Variants in ADARB2 observed in about 807,000 individuals in gnomAD.
ADARB2 encodes inactive double-stranded RNA-specific editase B2.
In ADARB2, 25 loss-of-function variants were observed where a neutral mutation model predicts 62.2. The observed-to-expected ratio is 0.40, with a 90% CI of 0.29 to 0.56. The LOEUF (loss-of-function observed/expected upper bound fraction) is 0.56. ADARB2 is among the 20% of genes least tolerant of loss of function. The pLI is 0.43. For missense variants in ADARB2, 1,071 were observed against 1,077.4 expected (o/e 0.99, Z 0.08); for synonymous variants, 572 against 500.8 (o/e 1.14, Z -1.90).
chr10:1,548,900 G>C (rs1832567612), intron 1 of ADARB2, among the ~76,000 whole-genome samples: 1 of 152,190 alleles, frequency 6.6e-6, no homozygotes, highest in Non-Finnish European at 1.5e-5. Flanking sequence ...AGAGTGTGAG[G>C]GGCCGAGGCA....
chr10:1,732,031 CAG>C (rs1219678404), intron 1 of ADARB2, among the ~76,000 whole-genome samples: 5 of 152,036 alleles, frequency 3.3e-5, no homozygotes, highest in Non-Finnish European at 5.9e-5. Context: ...TGATGAGAAA[CAG>C]AGTATTACAA....
At chr10:1,425,259 A>T (rs1832884879) in intron 1 of ADARB2, among the ~76,000 whole-genome samples, 1 of 152,176 alleles carries the variant, frequency 6.6e-6, no homozygotes, top group Admixed American at 6.5e-5. Context: ...AAATGCTGTG[A>T]TCTGGTCATG....
At chr10:1,431,077 A>G (rs982457470) in intron 1 of ADARB2, among the ~76,000 whole-genome samples, 2 of 152,238 alleles carry the variant, frequency 1.3e-5, no homozygotes, top group African/African-American at 2.4e-5. Context: ...TCTAATTGAC[A>G]TTTTAGAATA....
chr10:1,518,046 G>T (rs1035060759), intron 1 of ADARB2, among the ~76,000 whole-genome samples: 2 of 152,140 alleles, frequency 1.3e-5, no homozygotes, highest in African/African-American at 2.4e-5. Context: ...GAGGTAAAAA[G>T]AATTTAAGCA....
At chr10:1,491,170 G>A (rs1431090010) in intron 1 of ADARB2, among the ~76,000 whole-genome samples, 1 of 152,144 alleles carries the variant, frequency 6.6e-6, no homozygotes. Flanking sequence ...CCAGGCTTAA[G>A]CAATCCTCCC....
intron 1 of ADARB2, among the ~76,000 whole-genome samples, chr10:1,692,864 CTA>C (rs1323467414): frequency 6.6e-6 from 1 of 152,178 alleles, no homozygotes; most frequent in African/African-American, 2.4e-5. Context: ...CTATGTTAGA[CTA>C]TTTTAGTTAG....
In ADARB2 at chr10:1,426,319, T is replaced by G. The variant is rs896346382; in HGVS notation, c.101-47159A>C. Among the ~76,000 whole-genome samples the G allele has an allele frequency of 1.3e-5, 2 of 152,172 alleles. No homozygotes were observed. Among genetic ancestry groups the G allele is most frequent in the Non-Finnish European group, 2.9e-5 (2 of 68,026 alleles). ...ACAGTTCTGTTGTCGTCACTGTGTA[T>G]AAACAGAACAAGGAGAGAACTGCCT... On this transcript the variant is annotated intron_variant, in intron 1 of 9. Transcript: ENST00000381312. This position sits in a 1 kb window ranked among gnomAD's most constrained non-coding sequence, Gnocchi z 4.1.
intron 1 of ADARB2, among the ~76,000 whole-genome samples, chr10:1,464,489 G>A (rs566706813): frequency 1.0e-5 from 1 of 98,656 alleles, no homozygotes; most frequent in East Asian, 3.3e-4. Flanking sequence ...ACGTGCTGGG[G>A]GCAGTCACAG....
chr10:1,580,910 C>G (rs1462001739), intron 1 of ADARB2, among the ~76,000 whole-genome samples: 2 of 152,234 alleles, frequency 1.3e-5, no homozygotes, highest in Admixed American at 1.3e-4. Context: ...GGCTTGATCG[C>G]TCATTTCTCT....
In ADARB2 at chr10:1,637,847, C is replaced by T. The variant is rs147565307; in HGVS notation, c.100+99204G>A. Among the ~76,000 whole-genome samples the T allele has an allele frequency of 2.5e-3, 377 of 152,280 alleles. 2 individuals carry two copies. The highest frequency in any genetic ancestry group is 8.5e-3 in the African/African-American group (352 of 41,572). ...GGGCTGCCTCCTAACGCCACTTCTGCGATTTCCCTACAGACACTAGTATCA... is the reference window on the plus strand; with the variant it reads ...GGGCTGCCTCCTAACGCCACTTCTGTGATTTCCCTACAGACACTAGTATCA... On this transcript the variant is annotated intron_variant, in intron 1 of 9. Coordinates refer to ENST00000381312, the MANE Select transcript of ADARB2 (RefSeq NM_018702.4).
chr10:1,421,287 G>A (rs1326976733), intron 1 of ADARB2, among the ~76,000 whole-genome samples: 4 of 151,744 alleles, frequency 2.6e-5, no homozygotes, highest in Admixed American at 6.6e-5. Context: ...ACAGGTGGCT[G>A]GTCAGGATCT....
At chr10:1,695,799 T>C (rs1162531353) in intron 1 of ADARB2, among the ~76,000 whole-genome samples, 1 of 152,078 alleles carries the variant, frequency 6.6e-6, no homozygotes, top group Admixed American at 6.5e-5. Context: ...GGTGCATGTG[T>C]GTATATATGT....
intron 3 of ADARB2, among the ~76,000 whole-genome samples, chr10:1,337,505 A>G (rs75406620): frequency 0.023 from 3,437 of 152,334 alleles, 116 homozygotes; most frequent in African/African-American, 0.076. Context: ...AAGGACTACA[A>G]TAAAACTTCA....
At position 1,424,596 on chromosome 10, in the gene ADARB2, C is replaced by T. The variant is rs1315023146; in HGVS notation, c.101-45436G>A. The stretch of plus-strand genomic sequence containing the variant: ...ATGCCCCTAAAGTGGTCATTTAGTG[C>T]CCACGGAAGCTTGGTGCTTTGTGTG... On this transcript the variant is annotated intron_variant, in intron 1 of 9. Transcript: ENST00000381312. 2.0e-5 allele frequency among the ~76,000 whole-genome samples: 3 copies of T among 151,976 alleles called. No individual in the cohort carries two copies. The East Asian group carries it at 5.8e-4, about 29-fold the overall frequency.
chr10:1,605,653 A>G (rs1833485205), intron 1 of ADARB2, among the ~76,000 whole-genome samples: 2 of 152,346 alleles, frequency 1.3e-5, no homozygotes, highest in Middle Eastern at 3.4e-3. Context: ...AAAAGTAAGT[A>G]CCCAACCTAC....
intron 1 of ADARB2, among the ~76,000 whole-genome samples, chr10:1,623,039 C>G (rs909652165): frequency 6.6e-6 from 1 of 152,090 alleles, no homozygotes; most frequent in Non-Finnish European, 1.5e-5. Context: ...AGATGAGCCT[C>G]AAAAACATTG....
intron 7 of ADARB2, among the ~76,000 whole-genome samples, chr10:1,213,620 C>G (rs573904687): frequency 3.3e-5 from 5 of 152,342 alleles, no homozygotes; most frequent in African/African-American, 1.2e-4. Flanking sequence ...AATTCCTGGA[C>G]AAATTCAGGA....
At position 1,185,027 on chromosome 10, in the gene ADARB2, G is replaced by C; in HGVS notation, c.1877C>G (p.Ala626Gly). Residue 626 changes from alanine (A) to glycine (G), a missense_variant, in exon 9 of 10, where the codon GCC becomes GGC. Transcript: ENST00000381312. ...CGACTTCCCCGGCTGGCGCGCCTCGGCGTCACTCACGCCTGTCGGGGAGAT... is the reference window on the plus strand; with the variant it reads ...CGACTTCCCCGGCTGGCGCGCCTCGCCGTCACTCACGCCTGTCGGGGAGAT... Reference protein sequence around the residue: ...NRPLLSGVSDAEARQPGKSPP... With the variant: ...NRPLLSGVSDGEARQPGKSPP... 1 of 1,612,552 alleles carries C rather than the reference G, an allele frequency of 6.2e-7. No homozygotes were observed. The highest frequency in any genetic ancestry group is 8.5e-7 in the Non-Finnish European group (1 of 1,179,602).
At chr10:1,250,844 AG>A (rs1441174363) in intron 4 of ADARB2, among the ~76,000 whole-genome samples, 5 of 152,208 alleles carry the variant, frequency 3.3e-5, no homozygotes, top group Non-Finnish European at 7.4e-5. Flanking sequence ...TACATCAAGC[AG>A]GTTATAGAGG....
Sources: gnomAD v4.1 joint callset for allele counts (sites outside exome capture counted in the v4.1 genomes callset) on GRCh38, gnomAD v4.1.1 for gene constraint, Gnocchi (gnomAD v3.1) non-coding constraint, MANE v1.5 for transcripts, NCBI Gene and HGNC (gene_info 2026-07-23, HGNC 2026-07-21) for gene names.